PHEX: variants seen among roughly 807,000 people sequenced by gnomAD.
The protein encoded by PHEX is phosphate regulating endopeptidase X-linked.
Under a neutral mutation model 68.0 loss-of-function variants are expected in PHEX, and 16 were observed. The observed-to-expected ratio is 0.24, with a 90% CI of 0.16 to 0.36. PHEX has a LOEUF of 0.36. Ranked by LOEUF, PHEX falls within the 10% of genes least tolerant of loss-of-function variation. The pLI is 1.00. For missense variants in PHEX, 480 were observed against 575.5 expected (o/e 0.83, Z 1.70); for synonymous variants, 208 against 205.1 (o/e 1.01, Z -0.12).
intron 9 of PHEX, among the ~76,000 whole-genome samples, chrX:22,107,521 C>G (rs1043534783): frequency 8.9e-5 from 10 of 112,046 alleles, no homozygotes; most frequent in African/African-American, 2.6e-4. Flanking sequence ...GTCTGCATCT[C>G]CCCAGTGTGG....
At chrX:22,183,718 TA>T (rs1341203866) in intron 14 of PHEX, among the ~76,000 whole-genome samples, 1,458 of 107,377 alleles carry the variant, frequency 0.014, 23 homozygotes, top group African/African-American at 0.042. Context: ...AACTCTTTTT[TA>T]AAAAAAAAAA....
At chrX:22,238,075 G>C (rs181658693) in intron 20 of PHEX, among the ~76,000 whole-genome samples, 2 of 112,158 alleles carry the variant, frequency 1.8e-5, no homozygotes, top group South Asian at 7.4e-4. Context: ...TGAGGAGTTA[G>C]TTAGTTTGAG....
intron 12 of PHEX, among the ~76,000 whole-genome samples, chrX:22,154,837 G>A (rs2147105874): frequency 8.9e-6 from 1 of 112,213 alleles, no homozygotes; most frequent in East Asian, 2.8e-4. Flanking sequence ...CAGTGTCAAA[G>A]GAACAAGCCA....
Position 22,088,403 on chromosome X carries a change from T to C in PHEX, c.664-2026T>C, listed in dbSNP as rs1929712276. Among the ~76,000 whole-genome samples the C allele has an allele frequency of 1.8e-5, 2 of 111,673 alleles. 1 individual carries two copies. Among genetic ancestry groups the C allele is most frequent in the African/African-American group, 6.5e-5 (2 of 30,734 alleles). On this transcript the variant is annotated intron_variant, in intron 5 of 21. Coordinates refer to ENST00000379374, the MANE Select transcript of PHEX (RefSeq NM_000444.6). ...CTGTAAAATTGGTTTCCTTCCAAAG[T>C]GGCTGTGCCATTTTGCATTCTTACC...
chrX:22,235,005 C>A (rs914462731), intron 20 of PHEX, among the ~76,000 whole-genome samples: 1 of 111,393 alleles, frequency 9.0e-6, no homozygotes, highest in Non-Finnish European at 1.9e-5. Flanking sequence ...TTGCGAAGAC[C>A]GTGGGGAAAG....
chrX:22,096,839 C>CCA, intron 7 of PHEX, 116 bp from the exon 8 acceptor site: 1 of 591,715 alleles, frequency 1.7e-6, no homozygotes, highest in Non-Finnish European at 2.9e-6. Context: ...GGGGACCACA[C>CCA]CAAAGCCTTG....
chrX:22,050,929 C>T (rs912196730), intron 3 of PHEX, among the ~76,000 whole-genome samples: 1 of 111,912 alleles, frequency 8.9e-6, no homozygotes, highest in Non-Finnish European at 1.9e-5. Context: ...AAGAAGCTAG[C>T]ATTTTGTTTC....
intron 9 of PHEX, chrX:22,099,379 C>T: frequency 2.5e-6 from 1 of 405,295 alleles, no homozygotes; most frequent in African/African-American, 2.5e-5. Flanking sequence ...GGTCTTTCTC[C>T]ATGCTGTTCT....
intron 12 of PHEX, among the ~76,000 whole-genome samples, chrX:22,162,353 A>G (rs749869643): frequency 8.9e-6 from 1 of 112,283 alleles, no homozygotes; most frequent in African/African-American, 3.2e-5. Flanking sequence ...TTTTCCTCTC[A>G]CCACAAGTGT....
rs920504043 is a variant in PHEX, at chrX:22,187,011, C to T, written c.1587-3433C>T. On this transcript the variant is annotated intron_variant, in intron 14 of 21. Transcript: ENST00000379374. Reference sequence around the variant, plus strand: ...AGCCAAGGCACCCACCTGGATTTTCCCCTCTTGACCTACAAATGTTGGGTT... The same window carrying T: ...AGCCAAGGCACCCACCTGGATTTTCTCCTCTTGACCTACAAATGTTGGGTT... Among the ~76,000 whole-genome samples the T allele has an allele frequency of 3.0e-4, 34 of 112,089 alleles. 4 individuals are homozygous for T. Among genetic ancestry groups the T allele is most frequent in the Admixed American group, 2.9e-3 (31 of 10,602 alleles).
At chrX:22,227,187 T>C (rs1239792914) in intron 19 of PHEX, among the ~76,000 whole-genome samples, 1 of 112,611 alleles carries the variant, frequency 8.9e-6, no homozygotes, top group African/African-American at 3.2e-5. Flanking sequence ...CCAAAATGTA[T>C]TGCCATAGGG....
At chrX:22,247,793 C>T in intron 21 of PHEX, 58 bp from the exon 22 acceptor site, 13 of 825,321 alleles carry the variant, frequency 1.6e-5, no homozygotes, top group Non-Finnish European at 2.4e-5. Context: ...CAGTTTTATA[C>T]AGAACCTGTT....
chrX:22,234,158 C>T lies in PHEX; in HGVS notation c.2070+6547C>T, dbSNP rs150579409. On this transcript the variant is annotated intron_variant, in intron 20 of 21. Transcript: ENST00000379374. ...AAAAATTGCTGCCTGTTCTTCCCTCCGGAAGCTTTGCCCCAGAGGGGCACC... is the reference window on the plus strand; with the variant it reads ...AAAAATTGCTGCCTGTTCTTCCCTCTGGAAGCTTTGCCCCAGAGGGGCACC... Among the ~76,000 whole-genome samples, 808 of 112,989 alleles carry T rather than the reference C, an allele frequency of 7.2e-3. 5 individuals are homozygous for T. The highest frequency in any genetic ancestry group is 0.024 in the African/African-American group (741 of 31,157).
chrX:22,065,164 T>C (rs760640567), intron 3 of PHEX, among the ~76,000 whole-genome samples: 1 of 112,581 alleles, frequency 8.9e-6, no homozygotes, highest in African/African-American at 3.2e-5. Flanking sequence ...GAGGTACTTT[T>C]TTTAAAACAT....
Position 22,197,832 on chromosome X carries a change from A to G in PHEX, c.1645+7330A>G, listed in dbSNP as rs186904637. Among the ~76,000 whole-genome samples the G allele has an allele frequency of 4.5e-5, 5 of 110,444 alleles. No homozygotes were observed. The East Asian group carries it at 1.4e-3, about 31-fold the overall frequency. On this transcript the variant is annotated intron_variant, in intron 15 of 21. Coordinates refer to ENST00000379374, the MANE Select transcript of PHEX (RefSeq NM_000444.6). ...TAGTGGTTAAGGGTGTGAGCTCTGA[A>G]GTATGACAGTTTGATTTTGAATCCT... is the stretch of plus-strand genomic sequence containing the variant.
intron 2 of PHEX, 38 bp downstream of exon 2, chrX:22,038,575 T>G (rs1927133262): frequency 2.2e-6 from 2 of 903,447 alleles, no homozygotes; most frequent in African/African-American, 2.0e-5. Flanking sequence ...AAGTTATAAT[T>G]ATGGTACCTT....
intron 19 of PHEX, 34 bp from the exon 20 acceptor site, chrX:22,227,473 T>A (rs1935545328): frequency 4.0e-6 from 4 of 1,000,217 alleles, no homozygotes; most frequent in Non-Finnish European, 5.7e-6. Context: ...AACCCACCGT[T>A]GCAGAGACTC....
chrX:22,117,259 C>T (rs182450155), intron 11 of PHEX, among the ~76,000 whole-genome samples: 1 of 111,860 alleles, frequency 8.9e-6, no homozygotes, highest in African/African-American at 3.2e-5. Context: ...GAAAATAAAA[C>T]TCTGTTCTTC....
At chrX:22,098,091 G>GT (rs1930223972) in intron 8 of PHEX, 1 of 92,187 alleles carries the variant, frequency 1.1e-5, no homozygotes, top group Non-Finnish European at 2.0e-5. Flanking sequence ...ATTTCCTCTT[G>GT]TGTTTTTTTT....
Sources: gnomAD v4.1 joint callset for allele counts (sites outside exome capture counted in the v4.1 genomes callset) on GRCh38, gnomAD v4.1.1 for gene constraint, MANE v1.5 for transcripts, NCBI Gene and HGNC (gene_info 2026-07-23, HGNC 2026-07-21) for gene names.